Variants in OXR1 observed in about 807,000 individuals in gnomAD.
The protein encoded by OXR1 is oxidation resistance protein 1.
OXR1 carries 41 observed loss-of-function variants against 104.6 expected under a neutral mutation model. The observed-to-expected ratio is 0.39, with a 90% CI of 0.31 to 0.51. OXR1 has a LOEUF of 0.51. Ranked by LOEUF, OXR1 falls within the 20% of genes least tolerant of loss-of-function variation. OXR1 has a pLI of 0.77. For synonymous variants in OXR1, 348 were observed against 348.4 expected (o/e 1.00, Z 0.01); for missense variants, 955 against 1,031.9 (o/e 0.93, Z 1.02).
intron 2 of OXR1, among the ~76,000 whole-genome samples, chr8:106,399,488 CA>C (rs557400179): frequency 1.3e-5 from 2 of 151,930 alleles, no homozygotes; most frequent in Non-Finnish European, 2.9e-5. Context: ...AAGCTCATTA[CA>C]AAAAAATGGG....
intron 2 of OXR1, among the ~76,000 whole-genome samples, chr8:106,468,092 A>G (rs1446859142): frequency 6.6e-6 from 1 of 151,738 alleles, no homozygotes; most frequent in Non-Finnish European, 1.5e-5. Flanking sequence ...GATAAGTAGC[A>G]TTGTGTATTT....
At chr8:106,450,465 A>G (rs1010117242) in intron 2 of OXR1, among the ~76,000 whole-genome samples, 2 of 152,208 alleles carry the variant, frequency 1.3e-5, no homozygotes, top group South Asian at 4.1e-4. Flanking sequence ...GCAGTTCTAA[A>G]TTATGGTTTG....
intron 2 of OXR1, among the ~76,000 whole-genome samples, chr8:106,366,305 C>T (rs1231339717): frequency 6.6e-6 from 1 of 152,162 alleles, no homozygotes; most frequent in Non-Finnish European, 1.5e-5. Context: ...AATTATCACA[C>T]CAATATTTCC....
At chr8:106,345,093 A>C (rs182218024) in intron 1 of OXR1, among the ~76,000 whole-genome samples, 1 of 152,350 alleles carries the variant, frequency 6.6e-6, no homozygotes, top group East Asian at 1.9e-4. Context: ...TGCTTCTCTT[A>C]TGCTGCAAGA....
Position 106,710,711 on chromosome 8 carries a change from T to C in OXR1, c.1714T>C (p.Ser572Pro). The C allele has an allele frequency of 6.2e-7, 1 of 1,604,128 alleles. No homozygotes were observed. Among genetic ancestry groups the C allele is most frequent in the Non-Finnish European group, 8.5e-7 (1 of 1,174,482 alleles). ...AAAACCAATGAGGAAAACGTTTGTA[T>C]CTCAAGCAAGTGCTACAATGCAACA... ...VGKPMRKTFVSQASATMQQYA... is the reference protein window; with the variant it reads ...VGKPMRKTFVPQASATMQQYA... The change falls in exon 10 of 17, where the codon TCT becomes CCT. Residue 572 changes from serine to proline, a missense_variant. Coordinates refer to ENST00000517566, the MANE Select transcript of OXR1 (RefSeq NM_001198533.2).
intron 14 of OXR1, among the ~76,000 whole-genome samples, chr8:106,741,693 A>G (rs1006789072): frequency 1.3e-5 from 2 of 152,172 alleles, no homozygotes; most frequent in African/African-American, 2.4e-5. Context: ...TTATTCATCA[A>G]TTTTCTCATT....
chr8:106,723,816 G>T (rs1453904053), intron 11 of OXR1, among the ~76,000 whole-genome samples: 3 of 151,978 alleles, frequency 2.0e-5, no homozygotes, highest in East Asian at 1.9e-4. Context: ...TTGAGAAAGG[G>T]TCTTGCTGTG....
chr8:106,641,123 G>A (rs1338886324), intron 3 of OXR1, among the ~76,000 whole-genome samples: 1 of 152,188 alleles, frequency 6.6e-6, no homozygotes. Context: ...ACATCATTCT[G>A]TTAGCCATAA....
chr8:106,600,101 A>C (rs1295148700), intron 3 of OXR1, among the ~76,000 whole-genome samples: 1 of 152,182 alleles, frequency 6.6e-6, no homozygotes, highest in African/African-American at 2.4e-5. Flanking sequence ...CTGTGGCCCT[A>C]GGGTTGAGGA....
intron 2 of OXR1, among the ~76,000 whole-genome samples, chr8:106,393,675 G>T (rs904074425): frequency 6.6e-6 from 1 of 151,932 alleles, no homozygotes; most frequent in Non-Finnish European, 1.5e-5. Flanking sequence ...GGATTGAAAG[G>T]TGCTATATTT....
Position 106,487,000 on chromosome 8 carries a change from C to T in OXR1, c.24-31943C>T, listed in dbSNP as rs181383319. On this transcript the variant is annotated intron_variant, in intron 2 of 16. Coordinates refer to ENST00000517566, the MANE Select transcript of OXR1 (RefSeq NM_001198533.2). ...AATATCCCAAATATTGTGAGGCCTT[C>T]CTTGAATATTAATCCAGACACTTTT... Among the ~76,000 whole-genome samples the T allele has an allele frequency of 8.6e-5, 13 of 151,058 alleles. No homozygotes were observed. In the East Asian group the frequency reaches 2.5e-3, roughly 29 times the overall value.
intron 6 of OXR1, among the ~76,000 whole-genome samples, chr8:106,688,192 A>T (rs576807062): frequency 6.6e-6 from 1 of 152,238 alleles, no homozygotes; most frequent in South Asian, 2.1e-4. Context: ...TATATTCAGG[A>T]TGAAGTTCAG....
chr8:106,370,450 T>A (rs1816656420), intron 2 of OXR1, among the ~76,000 whole-genome samples: 3 of 152,274 alleles, frequency 2.0e-5, no homozygotes, highest in South Asian at 4.1e-4. Flanking sequence ...GGAGGAGTGG[T>A]GAGAGAGGGC....
chr8:106,597,504 AAC>A (rs1191090980), intron 3 of OXR1, among the ~76,000 whole-genome samples: 1 of 152,226 alleles, frequency 6.6e-6, no homozygotes, highest in East Asian at 1.9e-4. Context: ...ATTTAACACA[AAC>A]AGTTCTACAA....
chr8:106,588,897 G>T (rs1818857826), intron 3 of OXR1, among the ~76,000 whole-genome samples: 1 of 152,212 alleles, frequency 6.6e-6, no homozygotes, highest in African/African-American at 2.4e-5. Flanking sequence ...ATCTTTCACT[G>T]TCTGATGTTT....
intron 2 of OXR1, among the ~76,000 whole-genome samples, chr8:106,477,286 C>T (rs775308182): frequency 6.6e-6 from 1 of 151,926 alleles, no homozygotes; most frequent in Non-Finnish European, 1.5e-5. Context: ...AGACAGACTG[C>T]TCACACAGAG....
intron 3 of OXR1, among the ~76,000 whole-genome samples, chr8:106,559,486 T>C (rs1816521426): frequency 6.6e-6 from 1 of 152,206 alleles, no homozygotes; most frequent in African/African-American, 2.4e-5. Flanking sequence ...AGGTATTTGT[T>C]ACAGTATCTC....
At chr8:106,583,848 T>C (rs919653215) in intron 3 of OXR1, among the ~76,000 whole-genome samples, 1 of 152,102 alleles carries the variant, frequency 6.6e-6, no homozygotes, top group African/African-American at 2.4e-5. Context: ...TAGGACCAGC[T>C]CAATCAGAGC....
intron 2 of OXR1, among the ~76,000 whole-genome samples, chr8:106,402,161 G>A (rs1006239867): frequency 2.0e-5 from 3 of 152,186 alleles, no homozygotes; most frequent in Non-Finnish European, 2.9e-5. Context: ...TTTAGCTTAA[G>A]ATAATCCACT....
Sources: gnomAD v4.1 joint callset for allele counts (sites outside exome capture counted in the v4.1 genomes callset) on GRCh38, gnomAD v4.1.1 for gene constraint, MANE v1.5 for transcripts, NCBI Gene and HGNC (gene_info 2026-07-23, HGNC 2026-07-21) for gene names.